The following APC variants were observed in gnomAD, a reference collection of about 807,000 sequenced individuals.
APC encodes adenomatous polyposis coli protein.
A neutral mutation model predicts 247.0 loss-of-function variants in APC; 72 were observed. The observed-to-expected ratio is 0.29, with a 90% confidence interval of 0.24 to 0.35. The LOEUF is 0.35. Among genes scored for constraint, APC ranks in the 10% least tolerant of loss-of-function variants. APC has a pLI of 1.00. For synonymous variants in APC, 1,254 were observed against 1,162.5 expected, an observed-to-expected ratio of 1.08 and a Z score of -1.60; for missense variants, 3,400 against 3,360.7, an observed-to-expected ratio of 1.01 and a Z score of -0.29.
Position 112,830,582 on chromosome 5 carries a change from G to A in APC, c.1743+1610G>A, listed in dbSNP as rs1014896630. ...CCAAGAGGAGCAAAAGTGCTGACAC[G>A]AAGACTTACACACAAACATCCACAA... On this transcript the variant is annotated intron_variant, in intron 14 of 15. Coordinates refer to ENST00000257430, the MANE Select transcript of APC (RefSeq NM_000038.6). Among the ~76,000 whole-genome samples, 5 of 151,574 alleles carry A rather than the reference G, an allele frequency of 3.3e-5. No homozygotes were observed. The South Asian group carries it at 6.2e-4, about 19-fold the overall frequency.
chr5:112,710,779 C>G (rs996504798), intron 1 of APC, among the ~76,000 whole-genome samples: 20 of 152,176 alleles, frequency 1.3e-4, no homozygotes, highest in African/African-American at 4.8e-4. Flanking sequence ...ACTTTAGTAG[C>G]TGTGTAACTG....
intron 4 of APC, among the ~76,000 whole-genome samples, 194 bp from the exon 5 acceptor site, chr5:112,775,435 A>G (rs1181937470): frequency 6.6e-6 from 1 of 151,940 alleles, no homozygotes; most frequent in African/African-American, 2.4e-5. Flanking sequence ...AGTTCTTTTT[A>G]ATACTCTAAT....
rs773941688 is a variant in APC at position 112,707,823 on chromosome 5, C to T, written c.106C>T (p.Gln36Ter). 9.5e-6 allele frequency: 13 copies of T among 1,370,580 alleles called. No individual in the cohort carries two copies. In the South Asian group the frequency reaches 1.6e-4, roughly 17 times the overall value. 84.9% of individuals were successfully genotyped at this position (1,370,580 alleles called of 1,614,324 possible). Residue 36 changes from glutamine to a stop codon, truncating the protein, a stop_gained, in exon 1 of 14, where the codon CAG (glutamine) becomes TAG (stop). Transcript: ENST00000507379. LOFTEE classifies it high-confidence loss of function. Reference sequence around the variant, plus strand: ...CGGCGGCAGCAGGAGCTGCGTCCGGCAGGAGACGAAGAGCCCGGGCGGCGC... The same window carrying T: ...CGGCGGCAGCAGGAGCTGCGTCCGGTAGGAGACGAAGAGCCCGGGCGGCGC...
chr5:112,739,494 G>A (rs1752736359), intron 1 of APC, among the ~76,000 whole-genome samples: 1 of 152,202 alleles, frequency 6.6e-6, no homozygotes, highest in Non-Finnish European at 1.5e-5. Flanking sequence ...GTTTTTCACT[G>A]ATAAATTTAA....
At chr5:112,734,054 G>A (rs534738435), upstream of APC, among the ~76,000 whole-genome samples, 1 of 152,178 alleles carries the variant, frequency 6.6e-6, no homozygotes, top group Non-Finnish European at 1.5e-5. Flanking sequence ...CCAGTCCTGT[G>A]TGGCTGCTCA....
At chr5:112,751,284 CTT>C (rs1754334216) in intron 1 of APC, among the ~76,000 whole-genome samples, 1 of 151,906 alleles carries the variant, frequency 6.6e-6, no homozygotes, top group South Asian at 2.1e-4. Context: ...ATTATAAAGG[CTT>C]TGTACAATAT....
chr5:112,816,085 G>A (rs1762482599), intron 9 of APC, among the ~76,000 whole-genome samples: 1 of 152,190 alleles, frequency 6.6e-6, no homozygotes, highest in Admixed American at 6.5e-5. Flanking sequence ...CTCACTTCCT[G>A]CTTCCTGAAC....
chr5:112,725,585 C>T (rs891164284), intron 1 of APC, among the ~76,000 whole-genome samples: 1 of 151,038 alleles, frequency 6.6e-6, no homozygotes, highest in Non-Finnish European at 1.5e-5. Context: ...GAAACCCCAT[C>T]TCTACAAAAA....
chr5:112,767,475 A>T (rs1756489125), intron 4 of APC, 85 bp downstream of exon 4: 2 of 1,074,826 alleles, frequency 1.9e-6, no homozygotes, highest in Non-Finnish European at 2.8e-6. Flanking sequence ...TTGTGAATTT[A>T]TAGTAGGTGA....
At chr5:112,735,173 A>T (rs1752313205), upstream of APC, among the ~76,000 whole-genome samples, 11 of 151,846 alleles carry the variant, frequency 7.2e-5, no homozygotes, top group Admixed American at 7.2e-4. Flanking sequence ...TTTCATTTTG[A>T]TCAGAAAAAA....
intron 8 of APC, among the ~76,000 whole-genome samples, chr5:112,803,417 T>C (rs1761042072): frequency 6.6e-6 from 1 of 152,196 alleles, no homozygotes; most frequent in Non-Finnish European, 1.5e-5. Flanking sequence ...CAGCTGTAGA[T>C]TAGTTAAGTG....
At chr5:112,796,362 G>A (rs923461945) in intron 7 of APC, among the ~76,000 whole-genome samples, 2 of 152,076 alleles carry the variant, frequency 1.3e-5, no homozygotes, top group African/African-American at 4.8e-5. Context: ...TAGAAAGAAA[G>A]AGTTCTTTCA....
At position 112,838,292 on chromosome 5, in the gene APC, T is replaced by C. The variant is rs777974681; in HGVS notation, c.2698T>C (p.Ser900Pro). ...VMEEVSAIHT[S>P]QEDRSSGSTT... ...GGAAGAAGTGTCAGCCATTCATACC[T>C]CTCAGGAAGACAGAAGTTCTGGGTC... The change falls in exon 16 of 16, where the codon TCT becomes CCT. Residue 900 changes from serine to proline, a missense_variant. Transcript: ENST00000257430. 2 of 1,614,194 alleles carry C rather than the reference T, an allele frequency of 1.2e-6. No homozygotes were observed. Among genetic ancestry groups the C allele is most frequent in the South Asian group, 2.2e-5 (2 of 91,088 alleles).
intron 1 of APC, among the ~76,000 whole-genome samples, chr5:112,727,265 T>C (rs1279936087): frequency 2.6e-5 from 4 of 152,126 alleles, no homozygotes; most frequent in Non-Finnish European, 4.4e-5. Flanking sequence ...GAAATAATTT[T>C]ATAGTCTATA....
chr5:112,815,851 G>A (rs1762456427), intron 9 of APC, among the ~76,000 whole-genome samples: 1 of 152,148 alleles, frequency 6.6e-6, no homozygotes, highest in African/African-American at 2.4e-5. Context: ...CATGAGAATA[G>A]TTGGAACCCA....
chr5:112,761,618 AC>A (rs1438621135), intron 2 of APC, among the ~76,000 whole-genome samples: 1 of 152,212 alleles, frequency 6.6e-6, no homozygotes, highest in Non-Finnish European at 1.5e-5. Context: ...AATGGAAAAA[AC>A]AAAAAAGACA....
rs115663740 is a variant in APC at position 112,800,169 on chromosome 5, A to T, written c.730-1110A>T. On this transcript the variant is annotated intron_variant, in intron 7 of 15. Transcript: ENST00000257430. ...CCAGCATCTATTGCAAGTAACTAACATAGTAGATGGTCAGTAATTTTCTTT... is the reference window on the plus strand; with the variant it reads ...CCAGCATCTATTGCAAGTAACTAACTTAGTAGATGGTCAGTAATTTTCTTT... Among the ~76,000 whole-genome samples, 182 of 152,300 alleles carry T rather than the reference A, an allele frequency of 1.2e-3. 1 individual carries two copies. The highest frequency in any genetic ancestry group is 4.3e-3 in the African/African-American group (179 of 41,532).
chr5:112,839,698 A>ACCCAAAAGTGGTGCTCAGACC lies in APC; in HGVS notation c.4113_4114insGGTGCTCAGACCCCCAAAAGT (p.Gly1365_Ser1371dup), dbSNP rs1359465574. 1.2e-6 allele frequency: 2 copies of ACCCAAAAGTGGTGCTCAGACC among 1,614,074 alleles called. No homozygotes were observed. Among genetic ancestry groups the ACCCAAAAGTGGTGCTCAGACC allele is most frequent in the South Asian group, 2.2e-5 (2 of 91,076 alleles). ...CTCCCTCCAAAAGTGGTGCTCAGAC[A>ACCCAAAAGTGGTGCTCAGACC]CCCAAAAGTCCACCTGAACACTATG... is the stretch of plus-strand genomic sequence containing the variant. On this transcript the variant is annotated inframe_insertion, in exon 16 of 16. Coordinates refer to ENST00000257430, the MANE Select transcript of APC (RefSeq NM_000038.6). This position sits in a 1 kb window ranked among gnomAD's most constrained non-coding sequence, Gnocchi z 5.0.
chr5:112,803,975 C>G (rs1339844814), intron 8 of APC, among the ~76,000 whole-genome samples: 1 of 152,200 alleles, frequency 6.6e-6, no homozygotes, highest in Non-Finnish European at 1.5e-5. Context: ...GCTTACTCTT[C>G]CAAGAGTATC....
Sources: allele counts gnomAD v4.1 joint callset (sites outside exome capture counted in the v4.1 genomes callset), GRCh38; gene constraint gnomAD v4.1.1; non-coding constraint Gnocchi (gnomAD v3.1); transcripts MANE v1.5; gene names NCBI Gene and HGNC (gene_info 2026-07-23, HGNC 2026-07-21).